NEGR1: variants seen among roughly 807,000 people sequenced by gnomAD.
NEGR1 encodes neuronal growth regulator 1.
A neutral mutation model predicts 40.9 loss-of-function variants in NEGR1; 10 were observed. The observed-to-expected ratio is 0.24, with a 90% confidence interval of 0.15 to 0.42. The LOEUF (loss-of-function observed/expected upper bound fraction) is 0.42, where lower values mean the gene tolerates loss of function less well. NEGR1 is among the 10% of genes least tolerant of loss of function. The pLI is 1.00. For missense variants in NEGR1, 352 were observed against 438.9 expected (o/e 0.80, Z 1.77); for synonymous variants, 185 against 166.8 (o/e 1.11, Z -0.84).
intron 1 of NEGR1, among the ~76,000 whole-genome samples, chr1:72,236,037 T>C (rs955306652): frequency 6.6e-5 from 10 of 152,174 alleles, no homozygotes; most frequent in African/African-American, 2.4e-4. Context: ...CCAACCCAAA[T>C]GCCCATCAAT....
intron 3 of NEGR1, among the ~76,000 whole-genome samples, chr1:71,714,814 T>G (rs1654218264): frequency 6.6e-6 from 1 of 152,216 alleles, no homozygotes; most frequent in African/African-American, 2.4e-5. Context: ...CAGCCTGGCA[T>G]TTAGTATCTG....
At chr1:71,487,176 A>C (rs1364331717) in intron 6 of NEGR1, 1 of 151,638 alleles carries the variant, frequency 6.6e-6, no homozygotes, top group Non-Finnish European at 1.5e-5. Context: ...ATCCCTAGTA[A>C]TCAACATGAC....
intron 1 of NEGR1, among the ~76,000 whole-genome samples, chr1:72,108,583 T>A (rs1028445964): frequency 3.3e-5 from 5 of 151,658 alleles, no homozygotes; most frequent in Non-Finnish European, 7.4e-5. Context: ...GGCATATGAC[T>A]TGTTTAGCAG....
rs573334276 is a variant in NEGR1 at position 71,462,082 on chromosome 1, G to A, written c.941-54512C>T. Among the ~76,000 whole-genome samples, 48 of 152,178 alleles carry A rather than the reference G, an allele frequency of 3.2e-4. No homozygotes were observed. The South Asian group carries it at 9.1e-3, about 29-fold the overall frequency. ...ATTAACCATTATTCTTTTAAACTAG[G>A]TGTTATAAAACTATTAGCACTGTTA... On this transcript the variant is annotated intron_variant, in intron 6 of 6. Coordinates refer to ENST00000357731, the MANE Select transcript of NEGR1 (RefSeq NM_173808.3).
chr1:71,689,894 C>G (rs139946844), intron 4 of NEGR1, among the ~76,000 whole-genome samples: 24 of 151,340 alleles, frequency 1.6e-4, no homozygotes, highest in Non-Finnish European at 3.1e-4. Context: ...ATATCATTAA[C>G]AGATATTTAA....
intron 4 of NEGR1, among the ~76,000 whole-genome samples, chr1:71,653,742 C>T (rs933935193): frequency 3.0e-4 from 41 of 137,666 alleles, no homozygotes; most frequent in African/African-American, 1.1e-3. Flanking sequence ...GCCCAGGTAC[C>T]GTGCTATGGC....
intron 6 of NEGR1, among the ~76,000 whole-genome samples, chr1:71,432,884 A>G (rs1028283079): frequency 2.0e-5 from 3 of 152,198 alleles, no homozygotes; most frequent in African/African-American, 4.8e-5. Context: ...CCCCATGAAC[A>G]TGGCTTAATA....
intron 6 of NEGR1, among the ~76,000 whole-genome samples, chr1:71,436,892 T>C (rs1479088697): frequency 1.3e-5 from 2 of 152,204 alleles, no homozygotes; most frequent in African/African-American, 4.8e-5. Context: ...GTTAATCAAC[T>C]GCTTATGTCA....
intron 1 of NEGR1, among the ~76,000 whole-genome samples, chr1:71,938,912 A>G (rs1045376272): frequency 6.6e-6 from 1 of 152,124 alleles, no homozygotes; most frequent in Non-Finnish European, 1.5e-5. Flanking sequence ...TTCCCACAAT[A>G]AGCAGAATGA....
chr1:72,231,152 T>A (rs188133980), intron 1 of NEGR1, among the ~76,000 whole-genome samples: 1 of 152,176 alleles, frequency 6.6e-6, no homozygotes, highest in East Asian at 1.9e-4. Context: ...ATTGTCACTG[T>A]ACTTTTACTC....
intron 2 of NEGR1, among the ~76,000 whole-genome samples, chr1:71,871,558 C>G (rs1660279554): frequency 6.6e-6 from 1 of 152,184 alleles, no homozygotes; most frequent in Non-Finnish European, 1.5e-5. Context: ...CTGTCAGTTG[C>G]ATACATCCTA....
At chr1:71,456,880 A>T (rs1569895311) in intron 6 of NEGR1, among the ~76,000 whole-genome samples, 1 of 152,228 alleles carries the variant, frequency 6.6e-6, no homozygotes, top group South Asian at 2.1e-4. Context: ...CATGCTGGTA[A>T]TTTGAGTCCA....
chr1:71,736,577 G>A (rs1655047572), intron 3 of NEGR1, among the ~76,000 whole-genome samples: 4 of 152,198 alleles, frequency 2.6e-5, no homozygotes, highest in Middle Eastern at 3.4e-3. Context: ...TTTCCTATCT[G>A]AGCCAGCAAA....
intron 1 of NEGR1, among the ~76,000 whole-genome samples, chr1:71,993,627 T>A (rs1167042399): frequency 6.6e-6 from 1 of 152,198 alleles, no homozygotes; most frequent in Non-Finnish European, 1.5e-5. Context: ...ATAGTGACAA[T>A]GATAATAGCT....
At chr1:72,213,218 G>GA (rs1254481275) in intron 1 of NEGR1, among the ~76,000 whole-genome samples, 1 of 151,934 alleles carries the variant, frequency 6.6e-6, no homozygotes, top group Non-Finnish European at 1.5e-5. Flanking sequence ...GGCATATTAT[G>GA]AATGCAAGGT....
chr1:71,508,207 G>C (rs746967064), intron 6 of NEGR1, among the ~76,000 whole-genome samples: 1 of 152,058 alleles, frequency 6.6e-6, no homozygotes, highest in Non-Finnish European at 1.5e-5. Context: ...AAGAAGACAA[G>C]CTCCACCCAA....
chr1:71,803,711 T>C (rs991822076), intron 2 of NEGR1, among the ~76,000 whole-genome samples: 15 of 152,176 alleles, frequency 9.9e-5, no homozygotes, highest in Non-Finnish European at 1.8e-4. Context: ...AAATTTTACC[T>C]TTCTACCTTC....
rs547128383 is a variant in NEGR1, at chr1:71,488,498, A to G, written c.941-80928T>C. ...TTTGAGATTCTGAAATCAGGGTTTG[A>G]GGTACTGAATATTTTTGAATGGTCT... On this transcript the variant is annotated intron_variant, in intron 6 of 6. Transcript: ENST00000357731. 1.1e-4 allele frequency among the ~76,000 whole-genome samples: 17 copies of G among 151,920 alleles called. No homozygotes were observed. In the South Asian group the frequency reaches 3.5e-3, roughly 31 times the overall value.
chr1:72,085,336 A>G (rs995031130), intron 1 of NEGR1, among the ~76,000 whole-genome samples: 1 of 152,188 alleles, frequency 6.6e-6, no homozygotes, highest in Admixed American at 6.5e-5. Context: ...CTAGCCTTGA[A>G]AATGTTTAAA....
Sources: gnomAD v4.1 joint callset for allele counts (sites outside exome capture counted in the v4.1 genomes callset) on GRCh38, gnomAD v4.1.1 for gene constraint, MANE v1.5 for transcripts, NCBI Gene and HGNC (gene_info 2026-07-23, HGNC 2026-07-21) for gene names.